NCKAP5: variants seen among roughly 807,000 people sequenced by gnomAD.
The protein encoded by NCKAP5 is NCK associated protein 5.
A neutral mutation model predicts 167.0 loss-of-function variants in NCKAP5; 92 were observed. The ratio of observed to expected loss-of-function variants is 0.55; its 90% CI spans 0.47 to 0.66. The LOEUF (loss-of-function observed/expected upper bound fraction) is 0.66. Ranked by LOEUF, NCKAP5 falls within the 30% of genes least tolerant of loss-of-function variation. The pLI, the probability that NCKAP5 is intolerant of heterozygous loss-of-function variation, is 0.00. For missense variants in NCKAP5, 2,378 were observed against 2,315.0 expected (o/e 1.03, Z -0.56); for synonymous variants, 891 against 877.4 (o/e 1.02, Z -0.27).
rs1445246195 is a variant in NCKAP5 at position 133,349,390 on chromosome 2, C to T, written c.70-46280G>A. On this transcript the variant is annotated intron_variant, in intron 3 of 19. Coordinates refer to ENST00000409261, the MANE Select transcript of NCKAP5 (RefSeq NM_207363.3). ...CAGCAGCACACACCTGGTTCATACTCAGCCTCTCCTTCTCCCACTTGCCTG... is the reference window on the plus strand; with the variant it reads ...CAGCAGCACACACCTGGTTCATACTTAGCCTCTCCTTCTCCCACTTGCCTG... Among the ~76,000 whole-genome samples, 4 of 152,230 alleles carry T rather than the reference C, an allele frequency of 2.6e-5. 1 individual carries two copies. The highest frequency in any genetic ancestry group is 4.1e-4 in the South Asian group (2 of 4,834).
At chr2:133,082,311 G>T (rs939178614) in intron 6 of NCKAP5, among the ~76,000 whole-genome samples, 2 of 152,100 alleles carry the variant, frequency 1.3e-5, no homozygotes, top group East Asian at 3.9e-4. Context: ...TGCATCATCG[G>T]TTCAGTCCAT....
chr2:133,347,399 CA>C, intron 3 of NCKAP5, among the ~76,000 whole-genome samples: 1 of 151,896 alleles, frequency 6.6e-6, no homozygotes, highest in East Asian at 1.9e-4. Flanking sequence ...ACTAAAAGTA[CA>C]AAATTAGCCA....
chr2:133,219,275 A>T (rs1480907868), intron 4 of NCKAP5, among the ~76,000 whole-genome samples: 1 of 152,202 alleles, frequency 6.6e-6, no homozygotes, highest in Non-Finnish European at 1.5e-5. Flanking sequence ...CGTATCGACA[A>T]CTGGGGAAAT....
chr2:133,429,984 T>C (rs1338768184), intron 3 of NCKAP5, among the ~76,000 whole-genome samples: 1 of 152,176 alleles, frequency 6.6e-6, no homozygotes, highest in Non-Finnish European at 1.5e-5. Flanking sequence ...CACCAATATC[T>C]GTTATTTTTT....
intron 3 of NCKAP5, among the ~76,000 whole-genome samples, chr2:133,420,784 G>T (rs10204436): frequency 0.2 from 30,787 of 152,050 alleles, 3,184 homozygotes; most frequent in African/African-American, 0.24. Flanking sequence ...CACAGATGAA[G>T]AAATAAAGGC....
In NCKAP5 at chr2:133,480,210, G is replaced by A. The variant is rs183590723; in HGVS notation, c.69+37248C>T. ...GCCTCCCAAAGTGCTGGGATTACACGTGTGAGCCACCACACCTGGCCTAGG... is the reference window on the plus strand; with the variant it reads ...GCCTCCCAAAGTGCTGGGATTACACATGTGAGCCACCACACCTGGCCTAGG... On this transcript the variant is annotated intron_variant, in intron 3 of 19. Transcript: ENST00000409261. Among the ~76,000 whole-genome samples the A allele has an allele frequency of 2.0e-3, 298 of 152,212 alleles. 1 individual carries two copies. The highest frequency in any genetic ancestry group is 5.9e-3 in the African/African-American group (243 of 41,536).
chr2:132,706,979 C>A (rs7589749), intron 19 of NCKAP5, among the ~76,000 whole-genome samples: 13,156 of 152,202 alleles, frequency 0.086, 1,776 homozygotes, highest in African/African-American at 0.29. Context: ...TGAATAGATG[C>A]CTCCACCCAT....
At chr2:133,384,114 G>A (rs1035176408) in intron 3 of NCKAP5, among the ~76,000 whole-genome samples, 14 of 152,148 alleles carry the variant, frequency 9.2e-5, no homozygotes, top group African/African-American at 3.4e-4. Flanking sequence ...TGGTGTTTTA[G>A]ACATGAAGTC....
chr2:132,930,115 C>T (rs1574668063), intron 8 of NCKAP5: 1 of 152,186 alleles, frequency 6.6e-6, no homozygotes, highest in Admixed American at 6.5e-5. Flanking sequence ...CGTAACAAAT[C>T]TCATACTGGT....
chr2:133,320,533 C>A (rs1681962182), intron 3 of NCKAP5, among the ~76,000 whole-genome samples: 1 of 152,126 alleles, frequency 6.6e-6, no homozygotes, highest in African/African-American at 2.4e-5. Flanking sequence ...TCGAGACCAT[C>A]CTGGCTAACA....
At chr2:132,921,311 C>T (rs186931549) in intron 8 of NCKAP5, among the ~76,000 whole-genome samples, 1 of 152,272 alleles carries the variant, frequency 6.6e-6, no homozygotes, top group Admixed American at 6.5e-5. Flanking sequence ...CCAACACTCC[C>T]ACCTGAAGCA....
Position 132,759,888 on chromosome 2 carries a change from T to C in NCKAP5, c.5128+13928A>G, listed in dbSNP as rs187019219. On this transcript the variant is annotated intron_variant, in intron 16 of 19. Coordinates refer to ENST00000409261, the MANE Select transcript of NCKAP5 (RefSeq NM_207363.3). The stretch of plus-strand genomic sequence containing the variant: ...AGCTTTTCTGTATTTTTCTTTTTTT[T>C]CATGTTTTCTTTTGGTTTGTGTTTC... Among the ~76,000 whole-genome samples, 1,503 of 152,114 alleles carry C rather than the reference T, an allele frequency of 9.9e-3. 31 individuals are homozygous for C. The highest frequency in any genetic ancestry group is 0.034 in the African/African-American group (1,424 of 41,534).
chr2:132,921,877 T>C (rs962241126), intron 8 of NCKAP5, among the ~76,000 whole-genome samples: 2 of 152,186 alleles, frequency 1.3e-5, no homozygotes, highest in Non-Finnish European at 1.5e-5. Context: ...TCCAACCCCA[T>C]GGCCTCAGTG....
chr2:132,969,124 G>A (rs1267643307), intron 7 of NCKAP5, among the ~76,000 whole-genome samples: 2 of 152,070 alleles, frequency 1.3e-5, no homozygotes, highest in East Asian at 1.9e-4. Context: ...TGCAACCTCC[G>A]CCTCCTGGGT....
At chr2:133,317,041 T>A (rs1381693627) in intron 3 of NCKAP5, among the ~76,000 whole-genome samples, 1 of 152,160 alleles carries the variant, frequency 6.6e-6, no homozygotes. Context: ...AGGCATTTAT[T>A]TCCCTGCCAC....
In NCKAP5 at chr2:132,782,106, T is replaced by C. The variant is rs147016733; in HGVS notation, c.4705A>G (p.Ile1569Val). The change falls in exon 14 of 20, where the codon ATC (isoleucine) becomes GTC (valine). Residue 1569 changes from isoleucine to valine, a missense_variant. Physicochemically the swap from Ile to Val is conservative, Grantham distance 29. Transcript: ENST00000409261. ...TTATCTGCTGACTTGGTGTCCTTGATAAGCTCATTTTCTGTCTCACACTGT... is the reference window on the plus strand; with the variant it reads ...TTATCTGCTGACTTGGTGTCCTTGACAAGCTCATTTTCTGTCTCACACTGT... ...ELQCETENEL[I>V]KDTKSADNPD... 1.7e-5 allele frequency: 27 copies of C among 1,613,964 alleles called. No homozygotes were observed. In the Admixed American group the frequency reaches 4.5e-4, roughly 27 times the overall value.
intron 6 of NCKAP5, among the ~76,000 whole-genome samples, chr2:133,064,173 C>T (rs2080108695): frequency 6.6e-6 from 1 of 152,214 alleles, no homozygotes; most frequent in Non-Finnish European, 1.5e-5. Context: ...CATGGGTTGT[C>T]ATCACCAGCT....
chr2:133,433,735 G>A (rs553854450), intron 3 of NCKAP5: 10 of 152,304 alleles, frequency 6.6e-5, no homozygotes, highest in East Asian at 1.9e-4. Context: ...CACTGATAGC[G>A]TAGGAGATAG....
Position 132,731,788 on chromosome 2 carries a change from C to A in NCKAP5, c.5392G>T (p.Ala1798Ser). 1 of 1,613,502 alleles carries A rather than the reference C, an allele frequency of 6.2e-7. No individual in the cohort carries two copies. The highest frequency in any genetic ancestry group is 8.5e-7 in the Non-Finnish European group (1 of 1,179,634). ...VHSTSDPIMTARGMRPLQSRL... is the reference protein window; with the variant it reads ...VHSTSDPIMTSRGMRPLQSRL... ...CTCTGAAGAGGCCTCATCCCTCTGG[C>A]GGTCATGATGGGGTCGGATGTGGAA... The change falls in exon 17 of 20, where the codon GCC becomes TCC. Residue 1798 changes from alanine (A) to serine (S), a missense_variant. This residue lies in a region of NCKAP5 where 1,325 missense variants were observed against 1,274.5 expected (regional missense o/e 1.04). Coordinates refer to ENST00000409261, the MANE Select transcript of NCKAP5 (RefSeq NM_207363.3).
Sources: allele counts gnomAD v4.1 joint callset (sites outside exome capture counted in the v4.1 genomes callset), GRCh38; gene constraint gnomAD v4.1.1; regional missense constraint gnomAD v4.1.1; transcripts MANE v1.5; gene names NCBI Gene and HGNC (gene_info 2026-07-23, HGNC 2026-07-21).